Variants in CCDC171 observed in about 807,000 individuals in gnomAD.
The protein encoded by CCDC171 is coiled-coil domain-containing protein 171.
Under a neutral mutation model 168.2 loss-of-function variants are expected in CCDC171, and 177 were observed. That is an observed-to-expected ratio of 1.05 (90% CI 0.93 to 1.19). The LOEUF (loss-of-function observed/expected upper bound fraction) is 1.19. CCDC171 is among the 50% of genes most tolerant of loss of function. The pLI, the probability that CCDC171 is intolerant of heterozygous loss-of-function variation, is 0.00. For synonymous variants in CCDC171, 687 were observed against 540.8 expected (o/e 1.27, Z -3.75); for missense variants, 1,991 against 1,539.0 (o/e 1.29, Z -4.91).
intron 1 of CCDC171, among the ~76,000 whole-genome samples, chr9:16,046,426 C>T (rs1187234956): frequency 6.6e-6 from 1 of 152,158 alleles, no homozygotes; most frequent in African/African-American, 2.4e-5. Flanking sequence ...CCATGTGCCA[C>T]TGATAGTATT....
intron 1 of CCDC171, among the ~76,000 whole-genome samples, chr9:15,555,634 C>A (rs746997967): frequency 7.2e-5 from 11 of 152,132 alleles, no homozygotes; most frequent in Non-Finnish European, 1.5e-4. Flanking sequence ...GACCCTGTCA[C>A]TAGAGATGTG....
intron 2 of CCDC171, among the ~76,000 whole-genome samples, 191 bp from the exon 3 acceptor site, chr9:15,571,433 T>C (rs1014807484): frequency 2.0e-5 from 3 of 152,132 alleles, no homozygotes; most frequent in African/African-American, 4.8e-5. Flanking sequence ...TATCTATCTA[T>C]ATATATATAC....
chr9:15,778,644 A>AAAAAAAAG (rs2057482042), intron 19 of CCDC171, among the ~76,000 whole-genome samples: 1 of 14,296 alleles, frequency 7.0e-5, no homozygotes, highest in Non-Finnish European at 2.5e-4. Context: ...AGACTGTCTC[A>AAAAAAAAG]AAAAAAAAAA....
rs889705676 is a variant in CCDC171 at position 15,895,954 on chromosome 9, T to C, written c.3600+21291T>C. Among the ~76,000 whole-genome samples the C allele has an allele frequency of 1.4e-4, 21 of 152,104 alleles. 1 individual carries two copies. The East Asian group carries it at 3.9e-3, about 28-fold the overall frequency. On this transcript the variant is annotated intron_variant, in intron 24 of 25. Coordinates refer to ENST00000380701, the MANE Select transcript of CCDC171 (RefSeq NM_173550.4). ...ATTCCTCTGACTTTTTCTAAGATTA[T>C]TGTTGCCTTTTATGGTTTTCATGTC...
At chr9:15,760,380 G>A (rs79954679) in intron 18 of CCDC171, among the ~76,000 whole-genome samples, 2,582 of 152,134 alleles carry the variant, frequency 0.017, 92 homozygotes, top group South Asian at 0.12. Flanking sequence ...CTATTAATTA[G>A]GAAAGAAAAT....
At chr9:15,644,641 A>G (rs1004722920) in intron 7 of CCDC171, among the ~76,000 whole-genome samples, 3 of 152,198 alleles carry the variant, frequency 2.0e-5, no homozygotes, top group African/African-American at 7.2e-5. Context: ...AGCCTCGCTT[A>G]TTGCTAGCAC....
the CCDC171 span, among the ~76,000 whole-genome samples, chr9:16,105,936 C>G: frequency 6.6e-6 from 1 of 152,214 alleles, no homozygotes; most frequent in African/African-American, 2.4e-5. Flanking sequence ...GCCAAGAAAA[C>G]AGGCCACTGG....
chr9:15,594,972 A>AT (rs1324800774), intron 6 of CCDC171, among the ~76,000 whole-genome samples: 2 of 152,120 alleles, frequency 1.3e-5, no homozygotes, highest in Non-Finnish European at 2.9e-5. Flanking sequence ...TGTTTTATGT[A>AT]TTTTTTCGAC....
chr9:15,853,644 T>C (rs1232971409), intron 23 of CCDC171, among the ~76,000 whole-genome samples: 2 of 151,654 alleles, frequency 1.3e-5, no homozygotes, highest in Non-Finnish European at 3.0e-5. Context: ...AATAGACATG[T>C]TGAGAGCAGA....
In CCDC171 at chr9:15,744,770, AT is replaced by A. The variant is rs1317932652; in HGVS notation, c.2550del (p.Pro851GlnfsTer26). ...CAGGAGAGCCCCAAGACAAGCATAA[AT>A]TTCCAAGTAAGATAATTTCTGCTTT... ...CTGEPQDKHKFPKHQKEQLRC... is the reference protein window; with the variant it reads ...CTGEPQDKHKXPKHQKEQLRC... On this transcript the variant is annotated frameshift_variant, in exon 17 of 26. Transcript: ENST00000380701. LOFTEE classifies it high-confidence loss of function. 6.2e-7 allele frequency: 1 copy of A among 1,605,980 alleles called. No individual in the cohort carries two copies. The highest frequency in any genetic ancestry group is 1.1e-5 in the South Asian group (1 of 89,786).
intron 2 of CCDC171, among the ~76,000 whole-genome samples, chr9:15,567,679 AG>A (rs1231330517): frequency 6.6e-6 from 1 of 151,662 alleles, no homozygotes; most frequent in African/African-American, 2.4e-5. Context: ...TTTTGAGACA[AG>A]GTCTTGCTCT....
intron 21 of CCDC171, among the ~76,000 whole-genome samples, chr9:15,828,437 T>C (rs1203392577): frequency 6.6e-6 from 1 of 152,230 alleles, no homozygotes; most frequent in Non-Finnish European, 1.5e-5. Flanking sequence ...AGTTTGAATC[T>C]ATTTTGAAAA....
intron 20 of CCDC171, among the ~76,000 whole-genome samples, chr9:15,780,490 C>T (rs1454119770): frequency 2.0e-5 from 3 of 152,022 alleles, no homozygotes; most frequent in Non-Finnish European, 2.9e-5. Context: ...CAAGACCAAC[C>T]TGGGCAACAT....
chr9:16,055,405 T>C (rs1833823227), intron 1 of CCDC171, among the ~76,000 whole-genome samples: 1 of 152,086 alleles, frequency 6.6e-6, no homozygotes. Context: ...GCAGAGCCTG[T>C]GGTCCTTGAC....
chr9:15,790,588 C>G (rs1041486572), intron 21 of CCDC171, among the ~76,000 whole-genome samples: 3 of 152,202 alleles, frequency 2.0e-5, no homozygotes, highest in Non-Finnish European at 4.4e-5. Context: ...TGTGCAGAAG[C>G]TTTTTAGTTT....
the CCDC171 span, among the ~76,000 whole-genome samples, chr9:16,092,519 C>A: frequency 2.6e-5 from 4 of 152,284 alleles, no homozygotes; most frequent in African/African-American, 9.6e-5. Context: ...CACCCCGCCG[C>A]CCAAGCAGGT....
intron 21 of CCDC171, among the ~76,000 whole-genome samples, chr9:15,800,749 T>G (rs2058783843): frequency 6.6e-6 from 1 of 152,152 alleles, no homozygotes. Flanking sequence ...GTTTGAGCTG[T>G]TAGATTTAAG....
At chr9:15,920,182 T>G in intron 24 of CCDC171, 88 bp from the exon 25 acceptor site, 2 of 774,252 alleles carry the variant, frequency 2.6e-6, no homozygotes, top group Non-Finnish European at 3.7e-6. Context: ...ATTTTAAAAT[T>G]TTAATGGTTT....
intron 21 of CCDC171, among the ~76,000 whole-genome samples, chr9:15,837,883 C>T (rs531236373): frequency 6.6e-6 from 1 of 152,190 alleles, no homozygotes; most frequent in African/African-American, 2.4e-5. Flanking sequence ...TGGTTATTGC[C>T]AGTGGTAACT....
Sources: gnomAD v4.1 joint callset for allele counts (sites outside exome capture counted in the v4.1 genomes callset) on GRCh38, gnomAD v4.1.1 for gene constraint, MANE v1.5 for transcripts, NCBI Gene and HGNC (gene_info 2026-07-23, HGNC 2026-07-21) for gene names.